Variants in TANC2 observed in about 807,000 individuals in gnomAD.
TANC2 encodes the protein tetratricopeptide repeat, ankyrin repeat and coiled-coil containing 2.
Under a neutral mutation model 210.5 loss-of-function variants are expected in TANC2, and 26 were observed. The observed-to-expected ratio is 0.12, with a 90% confidence interval of 0.09 to 0.17. TANC2 has a LOEUF of 0.17. Among genes scored for constraint, TANC2 ranks in the 10% least tolerant of loss-of-function variants. TANC2 has a pLI of 1.00. For synonymous variants in TANC2, 931 were observed against 967.1 expected (o/e 0.96, Z 0.69); for missense variants, 2,129 against 2,608.9 (o/e 0.82, Z 4.01).
intron 14 of TANC2, among the ~76,000 whole-genome samples, chr17:63,372,524 T>G (rs923182219): frequency 6.6e-6 from 1 of 152,236 alleles, no homozygotes. Context: ...AGCGTTACAC[T>G]AGTTACTCTG....
chr17:63,125,200 TTC>T (rs1338113529), intron 4 of TANC2: 3 of 152,238 alleles, frequency 2.0e-5, no homozygotes, highest in Non-Finnish European at 4.4e-5. Context: ...GTGCTTCAGT[TTC>T]CTCATCTGTG....
intron 7 of TANC2, among the ~76,000 whole-genome samples, chr17:63,201,825 AG>A (rs10710409): frequency 0.6 from 90,742 of 151,802 alleles, 29,616 homozygotes; most frequent in African/African-American, 0.86. Context: ...GGACTGTTGG[AG>A]GGCTCATTCA....
intron 7 of TANC2, among the ~76,000 whole-genome samples, chr17:63,211,996 G>A (rs573479998): frequency 5.1e-4 from 78 of 152,144 alleles, no homozygotes; most frequent in Non-Finnish European, 8.1e-4. Context: ...CGTCATCTAC[G>A]TTAGGTATTT....
chr17:62,976,285 A>G (rs1333222174), intron 1 of TANC2, among the ~76,000 whole-genome samples: 1 of 152,136 alleles, frequency 6.6e-6, no homozygotes, highest in African/African-American at 2.4e-5. Flanking sequence ...GATTATGTAA[A>G]CAGTTTTAAC....
intron 3 of TANC2, among the ~76,000 whole-genome samples, chr17:63,096,652 A>G (rs967640879): frequency 6.6e-6 from 1 of 152,134 alleles, no homozygotes; most frequent in Non-Finnish European, 1.5e-5. Flanking sequence ...TCACCAGTTA[A>G]TGGCATTTGG....
chr17:63,174,415 T>G (rs1297350799), intron 5 of TANC2, among the ~76,000 whole-genome samples: 1 of 152,194 alleles, frequency 6.6e-6, no homozygotes, highest in Non-Finnish European at 1.5e-5. Flanking sequence ...CCCCCCAAAT[T>G]GTTGCTCCTA....
chr17:63,033,379 A>G (rs2034850020), intron 2 of TANC2, among the ~76,000 whole-genome samples: 1 of 152,202 alleles, frequency 6.6e-6, no homozygotes, highest in South Asian at 2.1e-4. Flanking sequence ...TTCAGCCACC[A>G]GTAATCTCAT....
At chr17:63,029,586 TA>T (rs1315137859) in intron 2 of TANC2, among the ~76,000 whole-genome samples, 1 of 152,158 alleles carries the variant, frequency 6.6e-6, no homozygotes, top group African/African-American at 2.4e-5. Flanking sequence ...GTATATTTTA[TA>T]AATCTGTGTT....
Position 63,341,629 on chromosome 17 carries a change from G to T in TANC2, c.1807+1297G>T, listed in dbSNP as rs531458282. Reference sequence around the variant, plus strand: ...GGCCCTGAGGAGACAGCTCTGCCAAGCCTCAGATGTCCTGAGGGCTGAATT... The same window carrying T: ...GGCCCTGAGGAGACAGCTCTGCCAATCCTCAGATGTCCTGAGGGCTGAATT... On this transcript the variant is annotated intron_variant, in intron 12 of 27. Coordinates refer to ENST00000689528, the Ensembl canonical transcript of TANC2. Among the ~76,000 whole-genome samples, 5 of 152,332 alleles carry T rather than the reference G, an allele frequency of 3.3e-5. No homozygotes were observed. In the South Asian group the frequency reaches 1.0e-3, roughly 32 times the overall value.
intron 6 of TANC2, among the ~76,000 whole-genome samples, chr17:63,195,061 A>G (rs1009965228): frequency 2.0e-5 from 3 of 152,176 alleles, no homozygotes; most frequent in African/African-American, 7.2e-5. Flanking sequence ...TTACAATGAG[A>G]TATACAAGGA....
At chr17:63,152,856 G>A (rs2039701999) in intron 5 of TANC2, 1 of 152,038 alleles carries the variant, frequency 6.6e-6, no homozygotes, top group Admixed American at 6.6e-5. Flanking sequence ...CTAATCTAAA[G>A]CTAAAGTCTT....
At chr17:63,369,792 G>A (rs995498179) in intron 14 of TANC2, among the ~76,000 whole-genome samples, 1 of 151,946 alleles carries the variant, frequency 6.6e-6, no homozygotes, top group South Asian at 2.1e-4. Flanking sequence ...TAGTAGAGAC[G>A]GGGTTTTATC....
intron 9 of TANC2, among the ~76,000 whole-genome samples, chr17:63,274,213 C>CTT (rs35513380): frequency 1.4e-4 from 20 of 147,074 alleles, no homozygotes; most frequent in African/African-American, 3.9e-4. Context: ...TTAAAAAGTC[C>CTT]TTTTTTTTTT....
At chr17:63,374,164 G>A (rs369326184) in intron 14 of TANC2, among the ~76,000 whole-genome samples, 20 of 149,150 alleles carry the variant, frequency 1.3e-4, no homozygotes, top group African/African-American at 5.0e-4. Context: ...AGCCTCCCAA[G>A]TAACTGGAAC....
rs149629201 is a variant in TANC2, at chr17:63,312,837, C to T, written c.1160-1551C>T. ...CACAGCTTCCCCTAACCCCCCACAA[C>T]CCCACTTTAGTTAATGAAAACTTTG... On this transcript the variant is annotated intron_variant, in intron 9 of 27. Coordinates refer to ENST00000689528, the Ensembl canonical transcript of TANC2. Among the ~76,000 whole-genome samples, 10 of 152,326 alleles carry T rather than the reference C, an allele frequency of 6.6e-5. No homozygotes were observed. The East Asian group carries it at 9.6e-4, about 15-fold the overall frequency.
At chr17:63,054,098 A>C (rs775999005) in intron 2 of TANC2, among the ~76,000 whole-genome samples, 11 of 152,222 alleles carry the variant, frequency 7.2e-5, no homozygotes, top group Non-Finnish European at 1.5e-4. Context: ...ATATTGGGAA[A>C]GTCACTTTAC....
At chr17:63,016,288 T>C (rs2034104491) in intron 2 of TANC2, among the ~76,000 whole-genome samples, 1 of 152,170 alleles carries the variant, frequency 6.6e-6, no homozygotes, top group African/African-American at 2.4e-5. Flanking sequence ...ATTAAAAACA[T>C]CATTAAGGCT....
At chr17:63,315,353 G>A (rs1438105766) in intron 10 of TANC2, among the ~76,000 whole-genome samples, 1 of 152,156 alleles carries the variant, frequency 6.6e-6, no homozygotes, top group Non-Finnish European at 1.5e-5. Context: ...TCACAGGTAA[G>A]TAATCTGAGG....
chr17:63,046,364 C>T (rs1239798677), intron 2 of TANC2, among the ~76,000 whole-genome samples: 2 of 91,244 alleles, frequency 2.2e-5, no homozygotes, highest in African/African-American at 1.0e-4. Context: ...TGGAGTTTCA[C>T]TCTTGTTGCC....
Sources: gnomAD v4.1 joint callset for allele counts (sites outside exome capture counted in the v4.1 genomes callset) on GRCh38, gnomAD v4.1.1 for gene constraint, MANE v1.5 for transcripts, NCBI Gene and HGNC (gene_info 2026-07-23, HGNC 2026-07-21) for gene names.